Variants in C12orf42 observed in about 807,000 individuals in gnomAD.
The protein encoded by C12orf42 is chromosome 12 open reading frame 42.
In C12orf42, 25 loss-of-function variants were observed where a neutral mutation model predicts 21.6. The ratio of observed to expected loss-of-function variants is 1.16; its 90% CI spans 0.84 to 1.62. C12orf42 has a LOEUF of 1.62. C12orf42 is among the 40% of genes most tolerant of loss of function. C12orf42 has a pLI of 0.00. For missense variants in C12orf42, 483 were observed against 459.3 expected, an observed-to-expected ratio of 1.05 and a Z score of -0.47; for synonymous variants, 174 against 175.0, an observed-to-expected ratio of 0.99 and a Z score of 0.05.
At chr12:103,146,612 A>AG in the C12orf42 span, among the ~76,000 whole-genome samples, 1 of 116,806 alleles carries the variant, frequency 8.6e-6, no homozygotes, top group Admixed American at 8.0e-5. Flanking sequence ...AAGAAAGAAA[A>AG]AGAAAAGTAA....
the C12orf42 span, among the ~76,000 whole-genome samples, chr12:103,176,511 C>A: frequency 1.3e-5 from 2 of 152,048 alleles, no homozygotes; most frequent in Admixed American, 6.6e-5. Flanking sequence ...GAATGGAGTC[C>A]CAATTTTCTG....
chr12:103,482,756 C>G (rs1954559543), intron 1 of C12orf42, among the ~76,000 whole-genome samples: 3 of 151,952 alleles, frequency 2.0e-5, no homozygotes, highest in Admixed American at 2.0e-4. Context: ...ACCTTTTTCT[C>G]TATTTTCCAT....
intron 2 of C12orf42, among the ~76,000 whole-genome samples, chr12:103,436,846 T>C (rs375367059): frequency 6.7e-6 from 1 of 149,924 alleles, no homozygotes; most frequent in Non-Finnish European, 1.5e-5. Context: ...GACAGATCAA[T>C]GAGACAGAAA....
chr12:103,183,454 CTTTATT>C, the C12orf42 span, among the ~76,000 whole-genome samples: 3 of 152,024 alleles, frequency 2.0e-5, no homozygotes, highest in Non-Finnish European at 4.4e-5. Context: ...TGAATTTTAT[CTTTATT>C]TTTATTTTGT....
At chr12:103,135,756 T>C in the C12orf42 span, among the ~76,000 whole-genome samples, 54,168 of 152,046 alleles carry the variant, frequency 0.36, 10,167 homozygotes, top group East Asian at 0.48. Context: ...GTTCAACATA[T>C]GCAAATAAAT....
chr12:103,477,368 G>T (rs1028536552), intron 2 of C12orf42, among the ~76,000 whole-genome samples: 5 of 152,106 alleles, frequency 3.3e-5, no homozygotes, highest in African/African-American at 9.7e-5. Flanking sequence ...TGGAGGGTGG[G>T]TGGTAATGTG....
the C12orf42 span, among the ~76,000 whole-genome samples, chr12:103,141,819 C>T: frequency 1.1e-4 from 17 of 152,004 alleles, no homozygotes; most frequent in Non-Finnish European, 1.5e-4. Context: ...CATGAGCCAC[C>T]GCACCCAGCC....
At chr12:103,287,749 CATTACA>C (rs1336498372) in intron 4 of C12orf42, among the ~76,000 whole-genome samples, 1 of 150,940 alleles carries the variant, frequency 6.6e-6, no homozygotes, top group Non-Finnish European at 1.5e-5. Flanking sequence ...ACAGCTATCC[CATTACA>C]AAAATCAGAA....
the C12orf42 span, among the ~76,000 whole-genome samples, chr12:103,555,005 C>G: frequency 6.6e-6 from 1 of 152,080 alleles, no homozygotes; most frequent in Non-Finnish European, 1.5e-5. Context: ...TTTTCAAGCC[C>G]CCTGTCATGG....
the C12orf42 span, among the ~76,000 whole-genome samples, chr12:103,184,719 C>G: frequency 7.1e-6 from 1 of 140,828 alleles, no homozygotes; most frequent in African/African-American, 2.6e-5. Flanking sequence ...TCACCCCCCC[C>G]CCCCCAAATA....
chr12:103,145,165 T>C, the C12orf42 span, among the ~76,000 whole-genome samples: 1 of 152,224 alleles, frequency 6.6e-6, no homozygotes, highest in Non-Finnish European at 1.5e-5. Flanking sequence ...TTTTATACTG[T>C]ACTTTTTAAA....
At chr12:103,175,242 T>C in the C12orf42 span, among the ~76,000 whole-genome samples, 7,787 of 152,218 alleles carry the variant, frequency 0.051, 280 homozygotes, top group African/African-American at 0.091. Context: ...GACCAGACTG[T>C]ATTCTATATA....
chr12:103,349,953 C>A (rs1296624083), intron 4 of C12orf42, among the ~76,000 whole-genome samples: 1 of 151,942 alleles, frequency 6.6e-6, no homozygotes, highest in African/African-American at 2.4e-5. Flanking sequence ...TTAAAATATA[C>A]TTTTTCATGA....
chr12:103,108,140 A>G, the C12orf42 span, among the ~76,000 whole-genome samples: 4 of 151,352 alleles, frequency 2.6e-5, no homozygotes, highest in African/African-American at 9.7e-5. Flanking sequence ...ATTTTTTAAA[A>G]AGAAAGGAAA....
the C12orf42 span, among the ~76,000 whole-genome samples, chr12:103,079,777 G>A: frequency 1.4e-4 from 22 of 152,268 alleles, no homozygotes; most frequent in African/African-American, 5.1e-4. Flanking sequence ...AGATTTGCCT[G>A]GCAGGGAATA....
chr12:103,359,272 G>C (rs2137649757), intron 4 of C12orf42, among the ~76,000 whole-genome samples: 1 of 152,022 alleles, frequency 6.6e-6, no homozygotes, highest in Non-Finnish European at 1.5e-5. Context: ...GTAATTTGTA[G>C]AGTAAAATTC....
chr12:103,360,035 G>T (rs2043946158), intron 4 of C12orf42, among the ~76,000 whole-genome samples: 1 of 151,124 alleles, frequency 6.6e-6, no homozygotes, highest in Non-Finnish European at 1.5e-5. Flanking sequence ...TTACTTAGAT[G>T]ATTGTAATAG....
At chr12:103,253,288 T>C (rs1169970174) in intron 10 of C12orf42, among the ~76,000 whole-genome samples, 2 of 151,860 alleles carry the variant, frequency 1.3e-5, no homozygotes, top group Non-Finnish European at 1.5e-5. Context: ...TGGTTATACA[T>C]GCTCTTTTTT....
chr12:103,123,886 A>G, the C12orf42 span, among the ~76,000 whole-genome samples: 2 of 152,134 alleles, frequency 1.3e-5, no homozygotes, highest in East Asian at 1.9e-4. Flanking sequence ...TTACATTTCT[A>G]TTGGGTAGGA....
Sources: allele counts gnomAD v4.1 joint callset (sites outside exome capture counted in the v4.1 genomes callset), GRCh38; gene constraint gnomAD v4.1.1; transcripts MANE v1.5; gene names NCBI Gene and HGNC (gene_info 2026-07-23, HGNC 2026-07-21).